The following NDNF variants were observed in gnomAD, a reference collection of about 807,000 sequenced individuals.
NDNF encodes neuron derived neurotrophic factor.
In NDNF, 16 loss-of-function variants were observed where a neutral mutation model predicts 42.0. That is an observed-to-expected ratio of 0.38 (90% CI 0.26 to 0.58). The LOEUF (loss-of-function observed/expected upper bound fraction) is 0.58, where lower values mean the gene tolerates loss of function less well. Ranked by LOEUF, NDNF falls within the 20% of genes least tolerant of loss-of-function variation. The pLI is 0.67. For missense variants in NDNF, 616 were observed against 666.2 expected, an observed-to-expected ratio of 0.92 and a Z score of 0.83; for synonymous variants, 248 against 251.7, an observed-to-expected ratio of 0.99 and a Z score of 0.14.
Position 121,040,058 on chromosome 4 carries a change from T to C in NDNF, c.189-4A>G. On this transcript the variant is annotated splice_polypyrimidine_tract_variant and splice_region_variant and intron_variant, in intron 2 of 3. Coordinates refer to ENST00000379692, the MANE Select transcript of NDNF (RefSeq NM_024574.4). ...TTCTTCAACCACAAAGAAATACCTGTGGGAAAGTGGACCACTTTAGACCGT... is the reference window on the plus strand; with the variant it reads ...TTCTTCAACCACAAAGAAATACCTGCGGGAAAGTGGACCACTTTAGACCGT... The C allele has an allele frequency of 6.2e-7, 1 of 1,613,036 alleles. No individual in the cohort carries two copies. Among genetic ancestry groups the C allele is most frequent in the South Asian group, 1.1e-5 (1 of 90,880 alleles).
At chr4:121,054,795 G>C (rs540339389) in intron 1 of NDNF, among the ~76,000 whole-genome samples, 6 of 152,270 alleles carry the variant, frequency 3.9e-5, no homozygotes, top group African/African-American at 1.4e-4. Flanking sequence ...CATATTAAGG[G>C]GTTTGGATTC....
chr4:121,067,000 T>A (rs1727510160), intron 1 of NDNF, among the ~76,000 whole-genome samples: 1 of 152,366 alleles, frequency 6.6e-6, no homozygotes, highest in East Asian at 1.9e-4. Context: ...GCTGAAATCA[T>A]TCCAATTAGA....
At chr4:121,071,026 G>A (rs1021262943) in intron 1 of NDNF, among the ~76,000 whole-genome samples, 1 of 152,154 alleles carries the variant, frequency 6.6e-6, no homozygotes, top group Admixed American at 6.5e-5. Flanking sequence ...AACCGAGAGC[G>A]CACAATGCAA....
At chr4:121,067,272 T>C (rs1194738485) in intron 1 of NDNF, among the ~76,000 whole-genome samples, 1 of 152,194 alleles carries the variant, frequency 6.6e-6, no homozygotes, top group Admixed American at 6.5e-5. Flanking sequence ...AAATTATACA[T>C]TTATACTACT....
chr4:121,036,990 A>G lies in NDNF; in HGVS notation c.981T>C (p.Tyr327=), dbSNP rs142923021. Reference sequence around the variant, plus strand: ...CCTTGGTCCTGGCAAAGGTACCTACATAAGCGGTGCTCATGTTGCTGTTGA... The same window carrying G: ...CCTTGGTCCTGGCAAAGGTACCTACGTAAGCGGTGCTCATGTTGCTGTTGA... ...VNINSNMSTA[Y]VGTFARTKEE... Residue 327 remains tyrosine, a synonymous_variant, in exon 4 of 4, where the codon TAT becomes TAC. Coordinates refer to ENST00000379692, the MANE Select transcript of NDNF (RefSeq NM_024574.4). The G allele has an allele frequency of 6.8e-6, 11 of 1,613,902 alleles. No homozygotes were observed. Among genetic ancestry groups the G allele is most frequent in the South Asian group, 1.1e-5 (1 of 91,082 alleles).
intron 1 of NDNF, among the ~76,000 whole-genome samples, chr4:121,067,278 C>T (rs113572473): frequency 9.9e-5 from 15 of 152,116 alleles, no homozygotes; most frequent in African/African-American, 3.4e-4. Context: ...TACATTTATA[C>T]TACTACCTCT....
At chr4:121,039,613 C>A (rs1216692319) in intron 3 of NDNF, among the ~76,000 whole-genome samples, 1 of 152,034 alleles carries the variant, frequency 6.6e-6, no homozygotes, top group Non-Finnish European at 1.5e-5. Flanking sequence ...TAGGCATCAG[C>A]AGTTTTTAAA....
Position 121,037,198 on chromosome 4 carries a change from G to A in NDNF, c.773C>T (p.Pro258Leu), listed in dbSNP as rs761126466. ...SPFDFAHFGF[P>L]SDNSGKERSF... is the part of the protein sequence containing the mutation. Reference sequence around the variant, plus strand: ...GCGTTCTTTACCTGAATTATCAGAAGGAAATCCAAAGTGGGCAAAGTCAAA... The same window carrying A: ...GCGTTCTTTACCTGAATTATCAGAAAGAAATCCAAAGTGGGCAAAGTCAAA... Residue 258 changes from proline (P) to leucine (L), a missense_variant, in exon 4 of 4, where the codon CCT becomes CTT. Coordinates refer to ENST00000379692, the MANE Select transcript of NDNF (RefSeq NM_024574.4). 5.9e-5 allele frequency: 95 copies of A among 1,613,962 alleles called. No homozygotes were observed. Among genetic ancestry groups the A allele is most frequent in the Non-Finnish European group, 7.6e-5 (90 of 1,180,016 alleles).
At chr4:121,069,162 A>G (rs1727548138) in intron 1 of NDNF, among the ~76,000 whole-genome samples, 1 of 152,210 alleles carries the variant, frequency 6.6e-6, no homozygotes, top group Non-Finnish European at 1.5e-5. Context: ...CACGCAGCCA[A>G]CTAGAAAAGT....
intron 2 of NDNF, among the ~76,000 whole-genome samples, chr4:121,041,911 G>T (rs1727005303): frequency 6.6e-6 from 1 of 152,086 alleles, no homozygotes; most frequent in Non-Finnish European, 1.5e-5. Flanking sequence ...AGTTAAGTGG[G>T]TAGTGACAGG....
intron 3 of NDNF, 188 bp from the exon 4 acceptor site, chr4:121,037,845 G>A (rs1726906207): frequency 2.2e-6 from 1 of 454,486 alleles, no homozygotes; most frequent in Non-Finnish European, 3.8e-6. Flanking sequence ...TTATATATGT[G>A]TAAGGCTTCT....
chr4:121,043,472 T>G (rs1727038529), intron 2 of NDNF, among the ~76,000 whole-genome samples: 1 of 152,144 alleles, frequency 6.6e-6, no homozygotes, highest in African/African-American at 2.4e-5. Flanking sequence ...TAACATTTTT[T>G]CCTATTGTGG....
intron 1 of NDNF, among the ~76,000 whole-genome samples, chr4:121,057,722 T>C (rs4833705): frequency 0.67 from 102,514 of 152,150 alleles, 37,497 homozygotes; most frequent in Non-Finnish European, 0.82. Flanking sequence ...GTTTGAAAAG[T>C]AGGAAGTGTT....
chr4:121,050,016 G>A (rs182402091), intron 1 of NDNF, among the ~76,000 whole-genome samples: 61 of 152,272 alleles, frequency 4.0e-4, no homozygotes, highest in African/African-American at 1.4e-3. Context: ...GTTCAATTTG[G>A]TCAGGTTACA....
chr4:121,040,286 C>T (rs1029034143), intron 2 of NDNF, among the ~76,000 whole-genome samples: 1 of 152,094 alleles, frequency 6.6e-6, no homozygotes, highest in Non-Finnish European at 1.5e-5. Flanking sequence ...GGATCTGCAA[C>T]CAGATTTATC....
At chr4:121,062,689 G>A (rs1727433267) in intron 1 of NDNF, among the ~76,000 whole-genome samples, 1 of 152,030 alleles carries the variant, frequency 6.6e-6, no homozygotes, top group Admixed American at 6.5e-5. Flanking sequence ...GTTAGGTGTG[G>A]TTTTTCTTCT....
At chr4:121,061,989 T>G (rs1248473198) in intron 1 of NDNF, among the ~76,000 whole-genome samples, 1 of 152,212 alleles carries the variant, frequency 6.6e-6, no homozygotes, top group Non-Finnish European at 1.5e-5. Flanking sequence ...TCTTTTAAAA[T>G]TAAAAAGGTT....
At chr4:121,063,348 G>T (rs1727446022) in intron 1 of NDNF, among the ~76,000 whole-genome samples, 1 of 151,754 alleles carries the variant, frequency 6.6e-6, no homozygotes, top group Non-Finnish European at 1.5e-5. Context: ...TTTCTTATTG[G>T]GCTCTATTTA....
chr4:121,049,924 G>A (rs1186422171), intron 1 of NDNF, among the ~76,000 whole-genome samples: 2 of 152,288 alleles, frequency 1.3e-5, no homozygotes, highest in East Asian at 3.9e-4. Context: ...TACTCTGTCA[G>A]ATTCTGGTTC....
Sources: allele counts gnomAD v4.1 joint callset (sites outside exome capture counted in the v4.1 genomes callset), GRCh38; gene constraint gnomAD v4.1.1; transcripts MANE v1.5; gene names NCBI Gene and HGNC (gene_info 2026-07-23, HGNC 2026-07-21).